Variants in TENM1 observed in about 807,000 individuals in gnomAD.
TENM1 encodes teneurin-1.
TENM1 carries 35 observed loss-of-function variants against 174.8 expected under a neutral mutation model. The ratio of observed to expected loss-of-function variants is 0.20; its 90% CI spans 0.15 to 0.27. TENM1 has a LOEUF of 0.27. TENM1 is among the 10% of genes least tolerant of loss of function. The probability of loss-of-function intolerance (pLI) is 1.00; values close to 1 mark genes in which losing one functional copy is unlikely to be tolerated. For missense variants in TENM1, 1,633 were observed against 2,130.1 expected (o/e 0.77, Z 4.59); for synonymous variants, 781 against 798.7 (o/e 0.98, Z 0.37).
the TENM1 span, among the ~76,000 whole-genome samples, chrX:125,111,233 A>G: frequency 9.0e-6 from 1 of 111,511 alleles, no homozygotes; most frequent in Non-Finnish European, 1.9e-5. Context: ...ATACATATGA[A>G]CTTTTTGAAT....
chrX:124,414,433 C>T (rs993089641), intron 25 of TENM1, among the ~76,000 whole-genome samples: 1 of 110,982 alleles, frequency 9.0e-6, no homozygotes, highest in Non-Finnish European at 1.9e-5. Flanking sequence ...GTTGCTAGGC[C>T]CCTCCCTCAG....
At chrX:124,830,644 C>T (rs1406782483) in intron 3 of TENM1, among the ~76,000 whole-genome samples, 3 of 111,725 alleles carry the variant, frequency 2.7e-5, no homozygotes, top group African/African-American at 9.8e-5. Context: ...AGGCTGTGAT[C>T]CTGCAAATTG....
intron 22 of TENM1, among the ~76,000 whole-genome samples, chrX:124,455,345 C>T (rs760669208): frequency 9.0e-6 from 1 of 111,688 alleles, no homozygotes; most frequent in East Asian, 2.8e-4. Context: ...GGCGTATGAA[C>T]AATTATTTTA....
At chrX:124,650,330 G>A (rs912005000) in intron 8 of TENM1, among the ~76,000 whole-genome samples, 1 of 110,154 alleles carries the variant, frequency 9.1e-6, no homozygotes. Flanking sequence ...CGTTTCTGTT[G>A]CTTCTAATTT....
chrX:124,801,977 C>T (rs1333053609), intron 3 of TENM1, among the ~76,000 whole-genome samples: 2 of 111,888 alleles, frequency 1.8e-5, no homozygotes, highest in Non-Finnish European at 3.8e-5. Context: ...ATAGGCTTCT[C>T]TTTGAAGGTG....
At chrX:124,985,875 T>C in the TENM1 span, among the ~76,000 whole-genome samples, 2 of 111,692 alleles carry the variant, frequency 1.8e-5, no homozygotes, top group Admixed American at 9.6e-5. Context: ...TCAAACTTCA[T>C]TTTAAAAACC....
chrX:124,941,835 A>G (rs1218438815), intron 1 of TENM1, among the ~76,000 whole-genome samples: 1 of 111,932 alleles, frequency 8.9e-6, no homozygotes, highest in Non-Finnish European at 1.9e-5. Flanking sequence ...AAAGAGGTTT[A>G]GTGGACTCAC....
At chrX:124,465,180 A>G (rs1031688912) in intron 22 of TENM1, among the ~76,000 whole-genome samples, 9 of 112,450 alleles carry the variant, frequency 8.0e-5, no homozygotes, top group African/African-American at 2.6e-4. Flanking sequence ...ACCATATAAA[A>G]TAACTTCTAT....
chrX:125,093,179 A>T, the TENM1 span, among the ~76,000 whole-genome samples: 8 of 112,135 alleles, frequency 7.1e-5, no homozygotes, highest in Admixed American at 4.7e-4. Flanking sequence ...TGTTTGTAAG[A>T]TTAGCTCAGT....
chrX:125,180,736 A>G, the TENM1 span, among the ~76,000 whole-genome samples: 1 of 110,681 alleles, frequency 9.0e-6, no homozygotes, highest in Non-Finnish European at 1.9e-5. Flanking sequence ...ATCTGTCTCC[A>G]GCATACTTCT....
At chrX:125,029,472 G>A in the TENM1 span, among the ~76,000 whole-genome samples, 2 of 111,295 alleles carry the variant, frequency 1.8e-5, no homozygotes, top group Non-Finnish European at 3.8e-5. Context: ...TTTTACAGGC[G>A]GGAAACCGAG....
the TENM1 span, among the ~76,000 whole-genome samples, chrX:125,083,099 T>A: frequency 1.1e-4 from 12 of 111,371 alleles, no homozygotes; most frequent in Admixed American, 8.6e-4. Flanking sequence ...TGTTGGCACA[T>A]TGAAATGTTT....
intron 11 of TENM1, among the ~76,000 whole-genome samples, chrX:124,610,903 G>A (rs1222605401): frequency 9.0e-6 from 1 of 111,408 alleles, no homozygotes; most frequent in Non-Finnish European, 1.9e-5. Context: ...GGAAACTGAG[G>A]CTCAAAGAAA....
At chrX:124,384,899 G>A in intron 29 of TENM1, 45 bp from the exon 33 acceptor site, 1 of 1,135,590 alleles carries the variant, frequency 8.8e-7, no homozygotes, top group South Asian at 2.1e-5. Flanking sequence ...GGCGATCAAT[G>A]TGGAAGAGTC....
the TENM1 span, among the ~76,000 whole-genome samples, chrX:125,052,591 C>CTAGATTTCCCAA: frequency 9.0e-6 from 1 of 111,681 alleles, no homozygotes; most frequent in Non-Finnish European, 1.9e-5. Flanking sequence ...AAGGAAATGA[C>CTAGATTTCCCAA]TAGATTTCCC....
At chrX:124,814,265 T>C (rs932565435) in intron 3 of TENM1, among the ~76,000 whole-genome samples, 5 of 111,839 alleles carry the variant, frequency 4.5e-5, no homozygotes, top group Admixed American at 2.9e-4. Flanking sequence ...ATAGACATAA[T>C]GGATAATGTG....
At chrX:125,160,975 A>G in the TENM1 span, among the ~76,000 whole-genome samples, 1 of 106,839 alleles carries the variant, frequency 9.4e-6, no homozygotes, top group African/African-American at 3.4e-5. Context: ...GTTTATACAC[A>G]TACTTGTACA....
intron 22 of TENM1, among the ~76,000 whole-genome samples, chrX:124,470,162 G>T (rs2061283839): frequency 8.9e-6 from 1 of 111,824 alleles, no homozygotes; most frequent in African/African-American, 3.3e-5. Flanking sequence ...TATGAACCAG[G>T]TTATTCATTG....
intron 15 of TENM1, among the ~76,000 whole-genome samples, chrX:124,546,600 C>T (rs747516621): frequency 5.4e-5 from 6 of 111,749 alleles, no homozygotes; most frequent in Non-Finnish European, 1.1e-4. Flanking sequence ...AATAAATTTG[C>T]AAATTATATT....
Sources: gnomAD v4.1 joint callset for allele counts (sites outside exome capture counted in the v4.1 genomes callset) on GRCh38, gnomAD v4.1.1 for gene constraint, MANE v1.5 for transcripts, NCBI Gene and HGNC (gene_info 2026-07-23, HGNC 2026-07-21) for gene names.